Variants in SPSB1 observed in about 807,000 individuals in gnomAD.
SPSB1 encodes SPRY domain-containing SOCS box protein 1.
Under a neutral mutation model 21.2 loss-of-function variants are expected in SPSB1, and 8 were observed. The observed-to-expected ratio is 0.38, with a 90% CI of 0.22 to 0.68. SPSB1 has a LOEUF of 0.68. Among genes scored for constraint, SPSB1 ranks in the 30% least tolerant of loss-of-function variants. The pLI, the probability that SPSB1 is intolerant of heterozygous loss-of-function variation, is 0.53. For synonymous variants in SPSB1, 169 were observed against 161.7 expected, an observed-to-expected ratio of 1.05 and a Z score of -0.34; for missense variants, 242 against 377.8, an observed-to-expected ratio of 0.64 and a Z score of 2.98.
intron 1 of SPSB1, among the ~76,000 whole-genome samples, chr1:9,294,134 C>T (rs1034146914): frequency 1.3e-5 from 2 of 149,900 alleles, no homozygotes; most frequent in African/African-American, 4.9e-5. Context: ...GTGTATGTGT[C>T]TTTGGGTGTG....
Position 9,338,215 on chromosome 1 carries a change from C to A in SPSB1, c.-149-17528C>A, listed in dbSNP as rs370097632. ...CACTCAGCTCTCCCCTACCCCGTTT[C>A]TTCAGGCTTCTGCTCATGGAGACCT... is the stretch of plus-strand genomic sequence containing the variant. On this transcript the variant is annotated intron_variant, in intron 1 of 2. Transcript: ENST00000328089. 1.6e-4 allele frequency among the ~76,000 whole-genome samples: 25 copies of A among 152,318 alleles called. 1 individual carries two copies. The highest frequency in any genetic ancestry group is 1.2e-3 in the East Asian group (6 of 5,172).
rs998779809 is a variant in SPSB1 at position 9,334,329 on chromosome 1, G to A, written c.-149-21414G>A. 7.2e-5 allele frequency among the ~76,000 whole-genome samples: 11 copies of A among 152,028 alleles called. No homozygotes were observed. The South Asian group carries it at 2.1e-3, about 29-fold the overall frequency. The stretch of plus-strand genomic sequence containing the variant: ...TCGAACTCTTGACCTCAGGTGATCC[G>A]CCCGCCTCAACCTGTCAAAGTGCTG... On this transcript the variant is annotated intron_variant, in intron 1 of 2. Transcript: ENST00000328089.
intron 2 of SPSB1, among the ~76,000 whole-genome samples, chr1:9,361,917 T>C (rs1640487590): frequency 6.6e-6 from 1 of 152,220 alleles, no homozygotes; most frequent in South Asian, 2.1e-4. Flanking sequence ...ACCTTGTGGG[T>C]CCTCTGGCTC....
At chr1:9,323,534 C>T (rs1292102962) in intron 1 of SPSB1, among the ~76,000 whole-genome samples, 1 of 152,196 alleles carries the variant, frequency 6.6e-6, no homozygotes, top group East Asian at 1.9e-4. Context: ...GGTCTGGAGC[C>T]CTGTCCACAA....
rs570151934 is a variant in SPSB1, at chr1:9,345,820, C to G, written c.-149-9923C>G. Among the ~76,000 whole-genome samples, 1 of 152,298 alleles carries G rather than the reference C, an allele frequency of 6.6e-6. No homozygotes were observed. The highest frequency in any genetic ancestry group is 2.4e-5 in the African/African-American group (1 of 41,564). Reference sequence around the variant, plus strand: ...CAGAACTTTCCAGAAGGATCCTGTTCTTTTTTGTTGATTCTAGGGGCACAG... The same window carrying G: ...CAGAACTTTCCAGAAGGATCCTGTTGTTTTTTGTTGATTCTAGGGGCACAG... On this transcript the variant is annotated intron_variant, in intron 1 of 2. Coordinates refer to ENST00000328089, the MANE Select transcript of SPSB1 (RefSeq NM_025106.4). This position sits in a 1 kb window ranked among gnomAD's most constrained non-coding sequence, Gnocchi z 4.8.
chr1:9,351,240 C>G (rs1640254585), intron 1 of SPSB1, among the ~76,000 whole-genome samples: 2 of 152,226 alleles, frequency 1.3e-5, no homozygotes, highest in Admixed American at 1.3e-4. Context: ...TTGCTGACCC[C>G]TGGTTTAGAA....
Position 9,353,515 on chromosome 1 carries a change from G to A in SPSB1, c.-149-2228G>A, listed in dbSNP as rs114447973. 3.4e-3 allele frequency among the ~76,000 whole-genome samples: 516 copies of A among 152,232 alleles called. 7 individuals are homozygous for A. The highest frequency in any genetic ancestry group is 0.012 in the African/African-American group (489 of 41,544). On this transcript the variant is annotated intron_variant, in intron 1 of 2. Transcript: ENST00000328089. ...TCACAGAACTCTCTGGAACCAGGGC[G>A]GCCCTCTAGGCTGCAGAGGGGACAC...
intron 1 of SPSB1, among the ~76,000 whole-genome samples, chr1:9,309,489 TAA>T (rs1161902680): frequency 6.6e-6 from 1 of 152,086 alleles, no homozygotes; most frequent in African/African-American, 2.4e-5. Flanking sequence ...GGCTAATTTT[TAA>T]AAGTTTTTGT....
At chr1:9,365,911 C>T (rs1421784176) in intron 2 of SPSB1, among the ~76,000 whole-genome samples, 1 of 152,218 alleles carries the variant, frequency 6.6e-6, no homozygotes, top group Non-Finnish European at 1.5e-5. Flanking sequence ...CAGGTGTGCT[C>T]ACTCCTACCT....
intron 1 of SPSB1, among the ~76,000 whole-genome samples, chr1:9,314,004 CT>C (rs1303140561): frequency 6.6e-6 from 1 of 152,086 alleles, no homozygotes; most frequent in Non-Finnish European, 1.5e-5. Context: ...GGTGAAATCC[CT>C]TTTCCACTAA....
At chr1:9,294,210 CTG>C (rs1018277740) in intron 1 of SPSB1, among the ~76,000 whole-genome samples, 3 of 150,898 alleles carry the variant, frequency 2.0e-5, no homozygotes, top group Admixed American at 6.6e-5. Flanking sequence ...GTCTTTGTGT[CTG>C]TGTGTGTCTT....
rs543974651 is a variant in SPSB1 at position 9,293,925 on chromosome 1, T to G, written c.-150+854T>G. Reference sequence around the variant, plus strand: ...GAGTGTGTCTGTGTGTTCATGTGGGTGTGTGTGTGAGTGTGTCTCTAAGTG... The same window carrying G: ...GAGTGTGTCTGTGTGTTCATGTGGGGGTGTGTGTGAGTGTGTCTCTAAGTG... On this transcript the variant is annotated intron_variant, in intron 1 of 2. Transcript: ENST00000328089. The surrounding 1 kb of genome is among the most constrained non-coding windows in gnomAD (Gnocchi z 5.1). 1.4e-4 allele frequency among the ~76,000 whole-genome samples: 21 copies of G among 151,910 alleles called. No individual in the cohort carries two copies. The highest frequency in any genetic ancestry group is 2.6e-4 in the Admixed American group (4 of 15,270).
intron 2 of SPSB1, among the ~76,000 whole-genome samples, chr1:9,360,239 G>A (rs1005663944): frequency 6.6e-6 from 1 of 152,088 alleles, no homozygotes; most frequent in African/African-American, 2.4e-5. Flanking sequence ...AGTAGATTTT[G>A]GTGTCCTGGA....
At chr1:9,344,741 C>T (rs185527795) in intron 1 of SPSB1, among the ~76,000 whole-genome samples, 116 of 152,226 alleles carry the variant, frequency 7.6e-4, no homozygotes, top group South Asian at 2.1e-4. Flanking sequence ...AGTGGATGCC[C>T]GGCCCCCTGA....
At chr1:9,326,644 C>A (rs56413422) in intron 1 of SPSB1, among the ~76,000 whole-genome samples, 1 of 152,108 alleles carries the variant, frequency 6.6e-6, no homozygotes, top group African/African-American at 2.4e-5. Context: ...CTCCTGTGCC[C>A]CGTCCCAGAA....
chr1:9,301,014 G>A (rs1406789177), intron 1 of SPSB1, among the ~76,000 whole-genome samples: 1 of 152,242 alleles, frequency 6.6e-6, no homozygotes, highest in African/African-American at 2.4e-5. Flanking sequence ...CTGAAGGATG[G>A]GGGTGAAGGG....
chr1:9,317,398 T>G lies in SPSB1; in HGVS notation c.-150+24327T>G, dbSNP rs1639633292. Among the ~76,000 whole-genome samples the G allele has an allele frequency of 6.6e-6, 1 of 152,182 alleles. No homozygotes were observed. The highest frequency in any genetic ancestry group is 2.4e-5 in the African/African-American group (1 of 41,436). ...AAGTCATCACCGAAATCAATCTGAC[T>G]CCAGGATTTGGTTTAGGTATCTGGG... On this transcript the variant is annotated intron_variant, in intron 1 of 2. Coordinates refer to ENST00000328089, the MANE Select transcript of SPSB1 (RefSeq NM_025106.4). This position sits in a 1 kb window ranked among gnomAD's most constrained non-coding sequence, Gnocchi z 4.3.
At chr1:9,339,187 C>A (rs1028095632) in intron 1 of SPSB1, 1 of 978,708 alleles carries the variant, frequency 1.0e-6, no homozygotes, top group Non-Finnish European at 1.2e-6. Flanking sequence ...CTCCCCCCAG[C>A]GGTGAGGACC....
chr1:9,299,877 C>T (rs184869954), intron 1 of SPSB1, among the ~76,000 whole-genome samples: 65 of 149,326 alleles, frequency 4.4e-4, no homozygotes, highest in African/African-American at 1.5e-3. Flanking sequence ...GTGGGAGGAT[C>T]GCTTGAGCCT....
Sources: gnomAD v4.1 joint callset for allele counts (sites outside exome capture counted in the v4.1 genomes callset) on GRCh38, gnomAD v4.1.1 for gene constraint, Gnocchi (gnomAD v3.1) non-coding constraint, MANE v1.5 for transcripts, NCBI Gene and HGNC (gene_info 2026-07-23, HGNC 2026-07-21) for gene names.